Variants in ARHGEF33 observed in about 807,000 individuals in gnomAD.
ARHGEF33 encodes the protein DH and coiled-coil domain-containing protein ENSP00000381780.
In ARHGEF33, 72 loss-of-function variants were observed where a neutral mutation model predicts 101.9. That is an observed-to-expected ratio of 0.71 (90% CI 0.58 to 0.86). The LOEUF (loss-of-function observed/expected upper bound fraction) is 0.86. Ranked by LOEUF, ARHGEF33 falls within the 40% of genes least tolerant of loss-of-function variation. The pLI is 0.00. For synonymous variants in ARHGEF33, 499 were observed against 442.5 expected, an observed-to-expected ratio of 1.13 and a Z score of -1.60; for missense variants, 1,169 against 1,111.3, an observed-to-expected ratio of 1.05 and a Z score of -0.74.
At position 38,929,692 on chromosome 2, in the gene ARHGEF33, C is replaced by G. The variant is rs1036561149; in HGVS notation, c.241-17C>G. 4 of 1,549,378 alleles carry G rather than the reference C, an allele frequency of 2.6e-6. No homozygotes were observed. The highest frequency in any genetic ancestry group is 2.6e-6 in the Non-Finnish European group (3 of 1,145,098). On this transcript the variant is annotated splice_polypyrimidine_tract_variant and intron_variant, in intron 5 of 17. Transcript: ENST00000409978. The stretch of plus-strand genomic sequence containing the variant: ...CCCCATGTACCACGTTAAAACATAG[C>G]AATTCTTATTTTTTAGGAAGAGCTG...
At chr2:38,902,088 T>G (rs1031577346) in intron 2 of ARHGEF33, among the ~76,000 whole-genome samples, 1 of 150,396 alleles carries the variant, frequency 6.6e-6, no homozygotes, top group African/African-American at 2.5e-5. Flanking sequence ...GCACTCCAGC[T>G]TGGGTGACAG....
chr2:38,968,504 C>A (rs1216765724), intron 17 of ARHGEF33, among the ~76,000 whole-genome samples: 2 of 152,170 alleles, frequency 1.3e-5, no homozygotes, highest in Non-Finnish European at 2.9e-5. Flanking sequence ...TGTAGCTCCC[C>A]ACTGACCTTG....
chr2:38,934,163 T>C (rs931793810), intron 7 of ARHGEF33, among the ~76,000 whole-genome samples: 3 of 152,228 alleles, frequency 2.0e-5, no homozygotes, highest in African/African-American at 4.8e-5. Context: ...CCACTCCTGA[T>C]AGTTTTTGGT....
At chr2:38,907,842 C>T (rs1164206558) in intron 2 of ARHGEF33, among the ~76,000 whole-genome samples, 1 of 150,226 alleles carries the variant, frequency 6.7e-6, no homozygotes, top group Non-Finnish European at 1.5e-5. Context: ...CTGCCTCTTG[C>T]ACAGTGTCTC....
chr2:38,952,772 C>A (rs1351960727), intron 11 of ARHGEF33, among the ~76,000 whole-genome samples: 1 of 151,850 alleles, frequency 6.6e-6, no homozygotes, highest in East Asian at 1.9e-4. Flanking sequence ...AATCTCGGCT[C>A]ACTGCAAGCT....
chr2:38,939,440 A>T (rs1233248387), intron 9 of ARHGEF33, among the ~76,000 whole-genome samples: 2 of 152,192 alleles, frequency 1.3e-5, no homozygotes, highest in Admixed American at 6.5e-5. Flanking sequence ...TAATATTCCC[A>T]CTAGCAATGT....
intron 12 of ARHGEF33, among the ~76,000 whole-genome samples, chr2:38,953,657 C>G (rs1389277822): frequency 6.6e-6 from 1 of 152,072 alleles, no homozygotes; most frequent in Non-Finnish European, 1.5e-5. Flanking sequence ...TGAAGTATTG[C>G]TACTGCAATG....
chr2:38,966,858 A>G (rs957711499), intron 17 of ARHGEF33, among the ~76,000 whole-genome samples: 1 of 152,238 alleles, frequency 6.6e-6, no homozygotes, highest in Non-Finnish European at 1.5e-5. Flanking sequence ...AGAGGTGAGC[A>G]TTAGCATTTG....
At chr2:38,959,468 T>C (rs529100833) in intron 15 of ARHGEF33, 3 of 181,642 alleles carry the variant, frequency 1.7e-5, no homozygotes, top group African/African-American at 4.7e-5. Context: ...CGAACAGAAG[T>C]TGAGTTTTCC....
At chr2:38,933,421 C>T (rs755000722) in intron 7 of ARHGEF33, among the ~76,000 whole-genome samples, 13 of 151,798 alleles carry the variant, frequency 8.6e-5, no homozygotes, top group Non-Finnish European at 1.6e-4. Flanking sequence ...TTTGCTCTTG[C>T]CGCCCAGGCT....
At chr2:38,891,447 C>T (rs989376515) in intron 1 of ARHGEF33, among the ~76,000 whole-genome samples, 3 of 151,696 alleles carry the variant, frequency 2.0e-5, no homozygotes, top group Non-Finnish European at 2.9e-5. Context: ...TTAACCTTTT[C>T]GGTGTCAAGA....
Position 38,960,277 on chromosome 2 carries a change from C to T in ARHGEF33, c.1972C>T (p.Arg658Trp). Reference sequence around the variant, plus strand: ...GTCCAGCCTGGACATCTGCTTCCTGCGGCCCGTCAGCTTCGCCATGGAGGC... The same window carrying T: ...GTCCAGCCTGGACATCTGCTTCCTGTGGCCCGTCAGCTTCGCCATGGAGGC... ...SESSLDICFLRPVSFAMEAER... is the reference protein window; with the variant it reads ...SESSLDICFLWPVSFAMEAER... The change falls in exon 16 of 18, where the codon CGG (arginine) becomes TGG (tryptophan). Residue 658 changes from arginine (R) to tryptophan (W), a missense_variant. Physicochemically the swap from Arg to Trp is moderately radical, Grantham distance 101 (BLOSUM62 -3). Transcript: ENST00000409978. 6.5e-7 allele frequency: 1 copy of T among 1,547,468 alleles called. No homozygotes were observed. The highest frequency in any genetic ancestry group is 8.7e-7 in the Non-Finnish European group (1 of 1,146,178).
intron 1 of ARHGEF33, among the ~76,000 whole-genome samples, chr2:38,895,290 T>G (rs1191670247): frequency 6.6e-6 from 1 of 152,264 alleles, no homozygotes; most frequent in African/African-American, 2.4e-5. Flanking sequence ...TTCTTAATTT[T>G]GAGTATAGAT....
chr2:38,917,127 C>T (rs1041537614), intron 2 of ARHGEF33, among the ~76,000 whole-genome samples: 10 of 74,520 alleles, frequency 1.3e-4, no homozygotes, highest in Non-Finnish European at 2.9e-4. Flanking sequence ...AGTCTCACTA[C>T]GTCACCTAGG....
chr2:38,938,138 C>T (rs1270316352), intron 9 of ARHGEF33, among the ~76,000 whole-genome samples: 1 of 152,026 alleles, frequency 6.6e-6, no homozygotes, highest in Admixed American at 6.6e-5. Context: ...CTCTTTTGAC[C>T]GTTTTTTCTG....
intron 17 of ARHGEF33, among the ~76,000 whole-genome samples, chr2:38,966,616 C>T (rs1455667601): frequency 1.3e-5 from 2 of 152,170 alleles, no homozygotes; most frequent in Non-Finnish European, 2.9e-5. Context: ...TTTATTAGGA[C>T]TTCTGTTAGT....
At chr2:38,901,979 T>G (rs1666252610) in intron 2 of ARHGEF33, among the ~76,000 whole-genome samples, 1 of 151,698 alleles carries the variant, frequency 6.6e-6, no homozygotes, top group South Asian at 2.1e-4. Flanking sequence ...GCTGGGCGTG[T>G]TGGCGGGCGC....
At position 38,900,928 on chromosome 2, in the gene ARHGEF33, A is replaced by G. The variant is rs537960257; in HGVS notation, c.-86+5079A>G. On this transcript the variant is annotated intron_variant, in intron 2 of 17. Coordinates refer to ENST00000409978, the MANE Select transcript of ARHGEF33 (RefSeq NM_001145451.5). ...GAGAGCAGTACTCAGCTTCCTGTCC[A>G]GGATCAATAACAGTTCAGCTCTGGC... 2.6e-5 allele frequency among the ~76,000 whole-genome samples: 4 copies of G among 152,280 alleles called. No individual in the cohort carries two copies. In the South Asian group the frequency reaches 8.3e-4, roughly 32 times the overall value.
At chr2:38,905,094 A>G (rs975539570) in intron 2 of ARHGEF33, among the ~76,000 whole-genome samples, 7 of 152,158 alleles carry the variant, frequency 4.6e-5, no homozygotes, top group African/African-American at 9.7e-5. Flanking sequence ...TGTGATTTCA[A>G]CAGACTGAGA....
Sources: allele counts gnomAD v4.1 joint callset (sites outside exome capture counted in the v4.1 genomes callset), GRCh38; gene constraint gnomAD v4.1.1; transcripts MANE v1.5; gene names NCBI Gene and HGNC (gene_info 2026-07-23, HGNC 2026-07-21).